The following SNTB1 variants were observed in gnomAD, a reference collection of about 807,000 sequenced individuals.
SNTB1 encodes the protein syntrophin beta 1, also known as beta-1-syntrophin.
SNTB1 carries 36 observed loss-of-function variants against 48.9 expected under a neutral mutation model. The observed-to-expected ratio is 0.74, with a 90% CI of 0.56 to 0.97. SNTB1 has a LOEUF of 0.97. Ranked by LOEUF, SNTB1 falls within the 50% of genes least tolerant of loss-of-function variation. The probability of loss-of-function intolerance (pLI) is 0.00; values close to 1 mark genes in which losing one functional copy is unlikely to be tolerated. For synonymous variants in SNTB1, 299 were observed against 294.6 expected (o/e 1.01, Z -0.15); for missense variants, 786 against 703.4 (o/e 1.12, Z -1.33).
At chr8:120,688,601 C>A (rs1420665766) in intron 2 of SNTB1, among the ~76,000 whole-genome samples, 1 of 151,960 alleles carries the variant, frequency 6.6e-6, no homozygotes, top group Non-Finnish European at 1.5e-5. Context: ...AATTATTTGA[C>A]ACAGAAGGTA....
chr8:120,608,242 A>G (rs1452460336), intron 3 of SNTB1, among the ~76,000 whole-genome samples: 1 of 152,260 alleles, frequency 6.6e-6, no homozygotes, highest in African/African-American at 2.4e-5. Context: ...CATGAGAACT[A>G]GTTAATGAAC....
At chr8:120,781,475 T>G (rs1267106739) in intron 1 of SNTB1, among the ~76,000 whole-genome samples, 6 of 152,144 alleles carry the variant, frequency 3.9e-5, no homozygotes, top group Non-Finnish European at 7.4e-5. Context: ...TTCACTTACT[T>G]TGGCTTATGT....
intron 2 of SNTB1, among the ~76,000 whole-genome samples, chr8:120,652,964 G>A (rs1325694009): frequency 6.6e-6 from 1 of 152,148 alleles, no homozygotes; most frequent in Non-Finnish European, 1.5e-5. Context: ...AATCTCTTGG[G>A]TTACAAAACG....
intron 1 of SNTB1, among the ~76,000 whole-genome samples, chr8:120,744,527 GC>G (rs1030026610): frequency 8.5e-4 from 129 of 152,266 alleles, no homozygotes; most frequent in Middle Eastern, 3.4e-3. Flanking sequence ...GTTTGAAGTG[GC>G]ATAAATTCAA....
intron 3 of SNTB1, among the ~76,000 whole-genome samples, chr8:120,593,575 A>C (rs1196221885): frequency 6.6e-6 from 1 of 152,202 alleles, no homozygotes; most frequent in Non-Finnish European, 1.5e-5. Flanking sequence ...GAGAAAGAAG[A>C]AATGAGTCCA....
chr8:120,549,546 T>G (rs1408019767), intron 4 of SNTB1, among the ~76,000 whole-genome samples: 1 of 152,224 alleles, frequency 6.6e-6, no homozygotes, highest in Non-Finnish European at 1.5e-5. Flanking sequence ...GGTATGGAAC[T>G]GCACTTTAGG....
chr8:120,594,259 C>CA (rs1000045197), intron 3 of SNTB1, among the ~76,000 whole-genome samples: 1 of 152,054 alleles, frequency 6.6e-6, no homozygotes, highest in South Asian at 2.1e-4. Flanking sequence ...TGTTTTGAGA[C>CA]AGAGTTTCTC....
intron 4 of SNTB1, among the ~76,000 whole-genome samples, chr8:120,572,959 T>C (rs973550164): frequency 1.3e-5 from 2 of 152,138 alleles, no homozygotes; most frequent in African/African-American, 4.8e-5. Flanking sequence ...ATGTCTTGGT[T>C]GCTGTGAATA....
chr8:120,807,117 G>A (rs1446870348), intron 1 of SNTB1, among the ~76,000 whole-genome samples: 1 of 152,144 alleles, frequency 6.6e-6, no homozygotes, highest in African/African-American at 2.4e-5. Context: ...TGGGATCAAA[G>A]GATTATTCAG....
chr8:120,616,477 GTT>G (rs767343933), intron 3 of SNTB1, among the ~76,000 whole-genome samples: 42 of 128,234 alleles, frequency 3.3e-4, no homozygotes, highest in African/African-American at 1.1e-3. Context: ...ACTAAAAAAA[GTT>G]TTTTTTTTTT....
At chr8:120,700,873 G>A (rs1457832866) in intron 1 of SNTB1, among the ~76,000 whole-genome samples, 1 of 152,066 alleles carries the variant, frequency 6.6e-6, no homozygotes, top group Non-Finnish European at 1.5e-5. Context: ...CGTCTGATGT[G>A]TTCAAGTTTT....
intron 1 of SNTB1, among the ~76,000 whole-genome samples, chr8:120,750,079 C>T (rs1819185376): frequency 6.6e-6 from 1 of 152,144 alleles, no homozygotes; most frequent in Non-Finnish European, 1.5e-5. Flanking sequence ...CCAGCCCTTC[C>T]TGTCAGAGAC....
At chr8:120,778,478 C>T (rs1819775849) in intron 1 of SNTB1, among the ~76,000 whole-genome samples, 1 of 152,160 alleles carries the variant, frequency 6.6e-6, no homozygotes, top group Non-Finnish European at 1.5e-5. Flanking sequence ...TTTCTGCAAA[C>T]TTTTCATTTT....
chr8:120,806,024 A>T (rs947898708), intron 1 of SNTB1, among the ~76,000 whole-genome samples: 1 of 152,232 alleles, frequency 6.6e-6, no homozygotes, highest in African/African-American at 2.4e-5. Context: ...TTAAAACAGC[A>T]TGTGGCACAA....
chr8:120,676,691 C>A (rs1447190753), intron 2 of SNTB1, among the ~76,000 whole-genome samples: 3 of 152,130 alleles, frequency 2.0e-5, no homozygotes, highest in Non-Finnish European at 4.4e-5. Context: ...GTGGACAGAG[C>A]ACAACAGAAA....
intron 1 of SNTB1, among the ~76,000 whole-genome samples, chr8:120,699,458 T>TC (rs1818267998): frequency 1.3e-5 from 2 of 152,036 alleles, no homozygotes; most frequent in Non-Finnish European, 2.9e-5. Context: ...GTCTGGGACC[T>TC]CCCCCTTCTC....
chr8:120,715,646 G>C (rs1818542558), intron 1 of SNTB1, among the ~76,000 whole-genome samples: 1 of 152,232 alleles, frequency 6.6e-6, no homozygotes, highest in South Asian at 2.1e-4. Flanking sequence ...GATTTCATGT[G>C]ATGTCAACAC....
intron 1 of SNTB1, among the ~76,000 whole-genome samples, chr8:120,734,574 T>C (rs2129986317): frequency 6.6e-6 from 1 of 152,324 alleles, no homozygotes; most frequent in African/African-American, 2.4e-5. Context: ...GTAGGTGTCA[T>C]TATCACCATT....
intron 1 of SNTB1, among the ~76,000 whole-genome samples, chr8:120,742,777 A>C (rs762745272): frequency 6.6e-6 from 1 of 152,154 alleles, no homozygotes; most frequent in Non-Finnish European, 1.5e-5. Context: ...GGAACTTTAC[A>C]CAAAGAAGGT....
Sources: gnomAD v4.1 joint callset for allele counts (sites outside exome capture counted in the v4.1 genomes callset) on GRCh38, gnomAD v4.1.1 for gene constraint, MANE v1.5 for transcripts, NCBI Gene and HGNC (gene_info 2026-07-23, HGNC 2026-07-21) for gene names.